TXNDC16: variants seen among roughly 807,000 people sequenced by gnomAD.
The protein encoded by TXNDC16 is thioredoxin domain-containing protein 16.
Under a neutral mutation model 85.6 loss-of-function variants are expected in TXNDC16, and 74 were observed. The ratio of observed to expected loss-of-function variants is 0.86; its 90% CI spans 0.72 to 1.05. The LOEUF (loss-of-function observed/expected upper bound fraction) is 1.05, where lower values mean the gene tolerates loss of function less well. TXNDC16 is among the 50% of genes least tolerant of loss of function. TXNDC16 has a pLI of 0.00. For synonymous variants in TXNDC16, 335 were observed against 326.5 expected (o/e 1.03, Z -0.28); for missense variants, 959 against 947.0 (o/e 1.01, Z -0.17).
chr14:52,470,176 G>A lies in TXNDC16; in HGVS notation c.1482-3C>T, dbSNP rs2035872266. ...TCACTGGATATGAAATCCTGTTGCT[G>A]GATAAACATATAACTATATTACAAA... On this transcript the variant is annotated splice_region_variant and splice_polypyrimidine_tract_variant and intron_variant, in intron 15 of 20. Transcript: ENST00000281741. 2 of 1,588,710 alleles carry A rather than the reference G, an allele frequency of 1.3e-6. No individual in the cohort carries two copies. The highest frequency in any genetic ancestry group is 1.2e-5 in the South Asian group (1 of 86,446).
At chr14:52,508,005 G>A (rs1442479015) in intron 9 of TXNDC16, among the ~76,000 whole-genome samples, 2 of 152,168 alleles carry the variant, frequency 1.3e-5, no homozygotes, top group Admixed American at 6.5e-5. Flanking sequence ...ATGGGCATGG[G>A]CAAGGACTTC....
chr14:52,499,431 T>A (rs748619828), intron 9 of TXNDC16, among the ~76,000 whole-genome samples: 2 of 151,854 alleles, frequency 1.3e-5, no homozygotes, highest in Non-Finnish European at 2.9e-5. Context: ...CATAATTCAA[T>A]AACAAAACAA....
At chr14:52,531,145 T>C (rs2037568669) in intron 6 of TXNDC16, among the ~76,000 whole-genome samples, 1 of 152,110 alleles carries the variant, frequency 6.6e-6, no homozygotes. Context: ...ATACCTATTA[T>C]GCTAGCTAAA....
intron 6 of TXNDC16, among the ~76,000 whole-genome samples, chr14:52,524,574 G>A (rs1465954407): frequency 6.6e-6 from 1 of 151,866 alleles, no homozygotes; most frequent in Non-Finnish European, 1.5e-5. Flanking sequence ...CTGCAGCCTC[G>A]AGCTTCTGGG....
At chr14:52,551,060 C>A (rs1275941125) in intron 1 of TXNDC16, among the ~76,000 whole-genome samples, 6 of 152,092 alleles carry the variant, frequency 3.9e-5, no homozygotes, top group Non-Finnish European at 8.8e-5. Flanking sequence ...CTCAGCTGAA[C>A]GTTTCATCTG....
intron 6 of TXNDC16, among the ~76,000 whole-genome samples, chr14:52,530,483 AAT>A (rs1340520676): frequency 1.7e-3 from 3 of 1,796 alleles, no homozygotes; most frequent in African/African-American, 9.0e-3. Context: ...TATTATATAT[AAT>A]ATTATATATA....
At chr14:52,474,445 T>TAA (rs142638809) in intron 14 of TXNDC16, among the ~76,000 whole-genome samples, 1 of 152,134 alleles carries the variant, frequency 6.6e-6, no homozygotes, top group African/African-American at 2.4e-5. Context: ...ATCTGCTTTT[T>TAA]AAAAAAATGA....
At position 52,552,311 on chromosome 14, in the gene TXNDC16, C is replaced by T. The variant is rs1431294073; in HGVS notation, c.-182+5G>A. On this transcript the variant is annotated splice_donor_5th_base_variant and intron_variant, in intron 1 of 20. Transcript: ENST00000281741. ...ACAGCCTGAAGGGCCAGCGCTGTCACCTACCTGCCCGGGACCTGCGGGCGG... is the reference window on the plus strand; with the variant it reads ...ACAGCCTGAAGGGCCAGCGCTGTCATCTACCTGCCCGGGACCTGCGGGCGG... 6.6e-6 allele frequency: 1 copy of T among 152,412 alleles called. No individual in the cohort carries two copies. The highest frequency in any genetic ancestry group is 2.4e-5 in the African/African-American group (1 of 41,446). 9.4% of individuals were successfully genotyped at this position (152,412 alleles called of 1,614,324 possible). A position where few individuals can be genotyped will look rare whatever the true frequency, so the allele number is the denominator to read the frequency against.
At chr14:52,439,759 C>T (rs2035122721) in intron 19 of TXNDC16, among the ~76,000 whole-genome samples, 1 of 152,148 alleles carries the variant, frequency 6.6e-6, no homozygotes, top group South Asian at 2.1e-4. Context: ...GATTACATAA[C>T]TAGAAGATAA....
chr14:52,491,025 A>AT lies in TXNDC16; in HGVS notation c.757-21_757-20insA. 6.4e-7 allele frequency: 1 copy of AT among 1,569,116 alleles called. No homozygotes were observed. The highest frequency in any genetic ancestry group is 1.7e-4 in the Middle Eastern group (1 of 5,816). On this transcript the variant is annotated intron_variant, in intron 9 of 20. Transcript: ENST00000281741. ...TTCAGTCTTCATTGAAAAAAAAAAA[A>AT]AAAAAAGGTGTGATAACAATATTCC...
At chr14:52,464,558 A>C (rs556153878) in intron 16 of TXNDC16, among the ~76,000 whole-genome samples, 1 of 152,356 alleles carries the variant, frequency 6.6e-6, no homozygotes, top group Admixed American at 6.5e-5. Context: ...AAACATTCAA[A>C]AGGGAAGGAA....
chr14:52,487,699 C>T (rs2036302499), intron 12 of TXNDC16, among the ~76,000 whole-genome samples: 1 of 152,142 alleles, frequency 6.6e-6, no homozygotes, highest in South Asian at 2.1e-4. Context: ...TAAGTTCTAG[C>T]CCAGTCCCTA....
At chr14:52,503,270 GCCT>G (rs1048239230) in intron 9 of TXNDC16, among the ~76,000 whole-genome samples, 3 of 152,240 alleles carry the variant, frequency 2.0e-5, no homozygotes, top group African/African-American at 7.2e-5. Context: ...AGAACAGACT[GCCT>G]CCTCAAGTGG....
intron 16 of TXNDC16, among the ~76,000 whole-genome samples, chr14:52,463,739 T>C (rs1271084550): frequency 6.6e-6 from 1 of 152,218 alleles, no homozygotes; most frequent in Non-Finnish European, 1.5e-5. Flanking sequence ...AGTCTGAACT[T>C]AAAATATATA....
rs116103087 is a variant in TXNDC16, at chr14:52,549,420, G to C, written c.-182+2896C>G. ...AAAATGTTAAAGGCGACAAAAGTGTGTTTTGTTCAGCAACTGAATATTAAG... is the reference window on the plus strand; with the variant it reads ...AAAATGTTAAAGGCGACAAAAGTGTCTTTTGTTCAGCAACTGAATATTAAG... On this transcript the variant is annotated intron_variant, in intron 1 of 20. Coordinates refer to ENST00000281741, the MANE Select transcript of TXNDC16 (RefSeq NM_020784.3). Among the ~76,000 whole-genome samples, 713 of 152,302 alleles carry C rather than the reference G, an allele frequency of 4.7e-3. 5 individuals carry two copies. The highest frequency in any genetic ancestry group is 0.016 in the African/African-American group (681 of 41,562).
chr14:52,463,054 C>A, intron 16 of TXNDC16: 1 of 445,972 alleles, frequency 2.2e-6, no homozygotes, highest in Non-Finnish European at 4.5e-6. Flanking sequence ...ATACTACCTA[C>A]AATATTGCCA....
At position 52,519,178 on chromosome 14, in the gene TXNDC16, T is replaced by C. The variant is rs776811465; in HGVS notation, c.508A>G (p.Ile170Val). The part of the protein sequence containing the change: ...IIFSYVRAIG[I>V]PEHRAVMEAA... ...AGCAAAAGTTAAAGAATACCTGGTATTCCAATGGCTCTTACATATGAGAAT... is the reference window on the plus strand; with the variant it reads ...AGCAAAAGTTAAAGAATACCTGGTACTCCAATGGCTCTTACATATGAGAAT... Residue 170 changes from isoleucine (I) to valine (V), a missense_variant, in exon 7 of 21, where the codon ATA (isoleucine) becomes GTA (valine). Coordinates refer to ENST00000281741, the MANE Select transcript of TXNDC16 (RefSeq NM_020784.3). 31 of 1,608,900 alleles carry C rather than the reference T, an allele frequency of 1.9e-5. No homozygotes were observed. Among genetic ancestry groups the C allele is most frequent in the Non-Finnish European group, 2.6e-5 (31 of 1,177,932 alleles).
At chr14:52,512,715 G>A (rs1408063308) in intron 8 of TXNDC16, among the ~76,000 whole-genome samples, 2 of 152,098 alleles carry the variant, frequency 1.3e-5, no homozygotes, top group African/African-American at 4.8e-5. Context: ...AGAATATAAG[G>A]AAAATTCAAA....
chr14:52,465,020 T>G (rs1314660961), intron 16 of TXNDC16, among the ~76,000 whole-genome samples: 1 of 152,224 alleles, frequency 6.6e-6, no homozygotes, highest in Non-Finnish European at 1.5e-5. Context: ...CACATATTAA[T>G]ATTCTTATTA....
Sources: gnomAD v4.1 joint callset for allele counts (sites outside exome capture counted in the v4.1 genomes callset) on GRCh38, gnomAD v4.1.1 for gene constraint, MANE v1.5 for transcripts, NCBI Gene and HGNC (gene_info 2026-07-23, HGNC 2026-07-21) for gene names.